Variants in HIP1 observed in about 807,000 individuals in gnomAD.
HIP1 encodes huntingtin-interacting protein 1.
HIP1 carries 65 observed loss-of-function variants against 147.6 expected under a neutral mutation model. The observed-to-expected ratio is 0.44, with a 90% CI of 0.36 to 0.54. The LOEUF (loss-of-function observed/expected upper bound fraction) is 0.54, where lower values mean the gene tolerates loss of function less well. Among genes scored for constraint, HIP1 ranks in the 20% least tolerant of loss-of-function variants. HIP1 has a pLI of 0.00. For synonymous variants in HIP1, 479 were observed against 504.0 expected (o/e 0.95, Z 0.67); for missense variants, 1,061 against 1,299.6 (o/e 0.82, Z 2.82).
At chr7:75,684,629 A>C (rs1800198886) in intron 1 of HIP1, among the ~76,000 whole-genome samples, 1 of 151,954 alleles carries the variant, frequency 6.6e-6, no homozygotes, top group Non-Finnish European at 1.5e-5. Flanking sequence ...TTAGTATCCC[A>C]CTGTACCAAC....
chr7:75,667,008 A>G (rs1554514702), intron 1 of HIP1, among the ~76,000 whole-genome samples: 1 of 152,138 alleles, frequency 6.6e-6, no homozygotes, highest in African/African-American at 2.4e-5. Flanking sequence ...GTGTATATAT[A>G]TTTATAGGTG....
chr7:75,714,741 C>T (rs1367789538), intron 1 of HIP1, among the ~76,000 whole-genome samples: 1 of 152,072 alleles, frequency 6.6e-6, no homozygotes, highest in Non-Finnish European at 1.5e-5. Context: ...GTGTGAGCCA[C>T]CGTGCCCGAC....
intron 1 of HIP1, among the ~76,000 whole-genome samples, chr7:75,633,980 G>A: frequency 6.6e-6 from 1 of 152,110 alleles, no homozygotes; most frequent in East Asian, 1.9e-4. Flanking sequence ...AGGGAGCAGG[G>A]CACAGTGGCT....
intron 1 of HIP1, among the ~76,000 whole-genome samples, chr7:75,624,524 C>T (rs34534544): frequency 0.1 from 15,493 of 152,152 alleles, 1,142 homozygotes; most frequent in African/African-American, 0.21. Context: ...TAAGCCCCAC[C>T]GAAGCCTCCA....
intron 29 of HIP1, among the ~76,000 whole-genome samples, chr7:75,539,987 G>T (rs587719615): frequency 6.6e-6 from 1 of 152,302 alleles, no homozygotes; most frequent in East Asian, 1.9e-4. Context: ...AAGCAAATAT[G>T]ATGGTTCTGA....
chr7:75,545,192 G>C lies in HIP1; in HGVS notation c.2560-4C>G. 6.4e-7 allele frequency: 1 copy of C among 1,573,258 alleles called. No individual in the cohort carries two copies. The highest frequency in any genetic ancestry group is 2.2e-5 in the East Asian group (1 of 44,702). On this transcript the variant is annotated splice_region_variant and splice_polypyrimidine_tract_variant and intron_variant, in intron 25 of 30. Coordinates refer to ENST00000336926, the MANE Select transcript of HIP1 (RefSeq NM_005338.7). The stretch of plus-strand genomic sequence containing the variant: ...ACTCTTTAGGGGATGCTGTACCCTA[G>C]GGAAATAAAAAATAGTAATAGCCAC...
At chr7:75,605,814 G>T (rs1194452018) in intron 1 of HIP1, among the ~76,000 whole-genome samples, 2 of 152,104 alleles carry the variant, frequency 1.3e-5, no homozygotes, top group Non-Finnish European at 2.9e-5. Context: ...GATTAGAGGC[G>T]TGAGCTACCG....
chr7:75,578,068 G>A (rs1263428089), intron 7 of HIP1, among the ~76,000 whole-genome samples: 3 of 152,224 alleles, frequency 2.0e-5, no homozygotes, highest in East Asian at 3.9e-4. Context: ...AAAGATGGCT[G>A]AGCTCACCAC....
At chr7:75,609,804 C>A (rs1797360684) in intron 1 of HIP1, among the ~76,000 whole-genome samples, 1 of 151,902 alleles carries the variant, frequency 6.6e-6, no homozygotes, top group Admixed American at 6.6e-5. Context: ...GATCTTCCGC[C>A]TCGGCCTCCC....
chr7:75,588,829 T>A (rs1395860611), intron 4 of HIP1, among the ~76,000 whole-genome samples: 7 of 151,362 alleles, frequency 4.6e-5, no homozygotes, highest in African/African-American at 1.2e-4. Flanking sequence ...TGAAAAAAAA[T>A]AAATAAATAG....
At chr7:75,731,327 A>G (rs1435879881) in intron 1 of HIP1, among the ~76,000 whole-genome samples, 2 of 151,706 alleles carry the variant, frequency 1.3e-5, no homozygotes, top group African/African-American at 4.8e-5. Flanking sequence ...TACTAAAAAT[A>G]CAAAAATTAG....
At chr7:75,544,192 C>T (rs1243061968) in intron 27 of HIP1, among the ~76,000 whole-genome samples, 1 of 143,316 alleles carries the variant, frequency 7.0e-6, no homozygotes, top group African/African-American at 2.6e-5. Flanking sequence ...AAAAAAAAAG[C>T]CTCTGTAAGA....
chr7:75,611,520 T>G, intron 1 of HIP1: 3 of 214,990 alleles, frequency 1.4e-5, no homozygotes, highest in Non-Finnish European at 2.6e-5. Context: ...CACAGTCTCT[T>G]GAGAAAATCT....
intron 1 of HIP1, among the ~76,000 whole-genome samples, chr7:75,661,238 A>C (rs1799301981): frequency 6.6e-6 from 1 of 150,602 alleles, no homozygotes; most frequent in South Asian, 2.1e-4. Flanking sequence ...TCTTTGCATC[A>C]CTGCACTCCA....
At chr7:75,600,905 C>T (rs190294944) in intron 1 of HIP1, among the ~76,000 whole-genome samples, 30 of 151,978 alleles carry the variant, frequency 2.0e-4, no homozygotes, top group African/African-American at 6.8e-4. Context: ...GGATTACTGG[C>T]GAATGACACC....
chr7:75,707,761 A>C (rs1213493448), intron 1 of HIP1, among the ~76,000 whole-genome samples: 2 of 139,508 alleles, frequency 1.4e-5, no homozygotes, highest in Non-Finnish European at 3.0e-5. Flanking sequence ...GATATAGATC[A>C]ATGGAACAGA....
intron 1 of HIP1, among the ~76,000 whole-genome samples, chr7:75,651,460 C>CAAA (rs1168846001): frequency 0.012 from 549 of 43,938 alleles, 3 homozygotes; most frequent in East Asian, 0.02. Context: ...CTCCATATCT[C>CAAA]AAAAAAAAAA....
intron 5 of HIP1, among the ~76,000 whole-genome samples, chr7:75,586,356 C>T (rs587701904): frequency 1.5e-3 from 232 of 152,140 alleles, no homozygotes; most frequent in African/African-American, 5.4e-3. Context: ...GCATGCATCA[C>T]CACCATGGGT....
intron 1 of HIP1, among the ~76,000 whole-genome samples, chr7:75,645,518 C>T (rs1445978485): frequency 2.6e-5 from 4 of 152,182 alleles, no homozygotes; most frequent in African/African-American, 9.7e-5. Flanking sequence ...TGAGCCACTG[C>T]ACCCGGCCTG....
Sources: allele counts gnomAD v4.1 joint callset (sites outside exome capture counted in the v4.1 genomes callset), GRCh38; gene constraint gnomAD v4.1.1; transcripts MANE v1.5; gene names NCBI Gene and HGNC (gene_info 2026-07-23, HGNC 2026-07-21).